The following YTHDF3 variants were observed in gnomAD, a reference collection of about 807,000 sequenced individuals.
The protein encoded by YTHDF3 is YTH domain-containing family protein 3.
Under a neutral mutation model 52.5 loss-of-function variants are expected in YTHDF3, and 9 were observed. That is an observed-to-expected ratio of 0.17 (90% CI 0.10 to 0.30). The LOEUF is 0.30. Ranked by LOEUF, YTHDF3 falls within the 10% of genes least tolerant of loss-of-function variation. The pLI, the probability that YTHDF3 is intolerant of heterozygous loss-of-function variation, is 1.00. For synonymous variants in YTHDF3, 274 were observed against 243.3 expected (o/e 1.13, Z -1.18); for missense variants, 534 against 715.0 (o/e 0.75, Z 2.89).
chr8:63,171,248 CCTGT>C (rs1345878074), intron 2 of YTHDF3, among the ~76,000 whole-genome samples: 2 of 152,122 alleles, frequency 1.3e-5, no homozygotes, highest in African/African-American at 4.8e-5. Flanking sequence ...AAACATTTTA[CCTGT>C]CTGTCAGAAT....
chr8:63,180,971 G>A (rs865810445), intron 3 of YTHDF3, among the ~76,000 whole-genome samples: 1 of 152,198 alleles, frequency 6.6e-6, no homozygotes, highest in Non-Finnish European at 1.5e-5. Context: ...GTGGAAAGAG[G>A]GAGAGGGAGA....
Position 63,187,019 on chromosome 8 carries a change from A to C in YTHDF3, c.1008A>C (p.Pro336=), listed in dbSNP as rs748795550. 1.9e-6 allele frequency: 3 copies of C among 1,613,570 alleles called. No individual in the cohort carries two copies. The highest frequency in any genetic ancestry group is 3.3e-5 in the Admixed American group (2 of 59,940). The change falls in exon 4 of 5, where the codon CCA becomes CCC. Residue 336 remains proline (P), a synonymous_variant. Transcript: ENST00000539294. ...PQPQQQQGPQ[P]QAQPHQVQPQ... is the part of the protein sequence containing the mutation. ...CACAGCAGCAACAAGGACCTCAGCC[A>C]CAGGCCCAGCCTCACCAAGTGCAGC...
intron 3 of YTHDF3, among the ~76,000 whole-genome samples, chr8:63,179,469 C>A (rs1585746679): frequency 1.3e-5 from 2 of 152,168 alleles, no homozygotes; most frequent in East Asian, 3.9e-4. Context: ...GCACATCTTG[C>A]ACCGCTCTTA....
intron 3 of YTHDF3, among the ~76,000 whole-genome samples, chr8:63,182,957 T>TTC (rs1808245722): frequency 6.6e-6 from 1 of 150,424 alleles, no homozygotes; most frequent in African/African-American, 2.4e-5. Flanking sequence ...AGTTTTATCT[T>TTC]TTTTTTTTTT....
intron 4 of YTHDF3, among the ~76,000 whole-genome samples, chr8:63,192,416 A>G (rs1363230564): frequency 6.6e-6 from 1 of 152,200 alleles, no homozygotes; most frequent in Non-Finnish European, 1.5e-5. Context: ...AATTGATTTT[A>G]CCAGTTAAGT....
intron 2 of YTHDF3, among the ~76,000 whole-genome samples, chr8:63,174,461 A>G (rs896699476): frequency 2.8e-4 from 43 of 152,332 alleles, no homozygotes; most frequent in African/African-American, 9.4e-4. Context: ...AACCTTCTGA[A>G]ACAGCGAACA....
chr8:63,179,665 A>C (rs1300613519), intron 3 of YTHDF3, among the ~76,000 whole-genome samples: 4 of 151,264 alleles, frequency 2.6e-5, no homozygotes, highest in Non-Finnish European at 5.9e-5. Context: ...TCTTTTCCCC[A>C]CCCCTCCCCC....
chr8:63,169,775 G>T (rs1807165226), intron 2 of YTHDF3, among the ~76,000 whole-genome samples: 2 of 152,190 alleles, frequency 1.3e-5, no homozygotes. Flanking sequence ...CATTTTGTTT[G>T]ACATGTCTGG....
chr8:63,196,177 T>C (rs1331501837), intron 4 of YTHDF3, among the ~76,000 whole-genome samples: 6 of 151,858 alleles, frequency 4.0e-5, no homozygotes, highest in African/African-American at 1.5e-4. Context: ...GGAGTACTGC[T>C]TGATCCTGGG....
Position 63,211,171 on chromosome 8 carries a change from A to T in YTHDF3, c.*1465A>T, listed in dbSNP as rs553749650. ...GGATATTTCTTTGAGGCTTTCATTT[A>T]TATAATTTTATTTTGTACAATGTTT... On this transcript the variant is annotated 3_prime_UTR_variant, in exon 5 of 5. Coordinates refer to ENST00000539294, the MANE Select transcript of YTHDF3 (RefSeq NM_152758.6). The T allele has an allele frequency of 6.6e-6, 1 of 152,612 alleles. No individual in the cohort carries two copies. Among genetic ancestry groups the T allele is most frequent in the East Asian group, 1.9e-4 (1 of 5,180 alleles). The allele number at this position is 152,612 out of a possible 1,614,324, so 9.5% of individuals were successfully genotyped here. A position where few individuals can be genotyped will look rare whatever the true frequency, so the allele number is the denominator to read the frequency against.
Position 63,187,180 on chromosome 8 carries a change from A to G in YTHDF3, c.1169A>G (p.Glu390Gly). 1 of 1,614,022 alleles carries G rather than the reference A, an allele frequency of 6.2e-7. No homozygotes were observed. The highest frequency in any genetic ancestry group is 1.1e-5 in the South Asian group (1 of 91,080). The change falls in exon 4 of 5, where the codon GAA becomes GGA. Residue 390 changes from glutamate to glycine, a missense_variant. Around this residue, in one of 3 missense-constraint regions of YTHDF3, gnomAD observed 203 missense variants for 201.3 expected, o/e 1.01. Coordinates refer to ENST00000539294, the MANE Select transcript of YTHDF3 (RefSeq NM_152758.6). ...VPVSASPSSV[E>G]VHPVLEKLKA... ...GTCAGTGCTTCACCTTCTAGTGTAG[A>G]AGTGCATCCCGTGCTGGAAAAGCTA...
chr8:63,193,527 A>G (rs139990944), intron 4 of YTHDF3, among the ~76,000 whole-genome samples: 85 of 152,198 alleles, frequency 5.6e-4, no homozygotes, highest in Middle Eastern at 6.8e-3. Flanking sequence ...AGGCTGAGGC[A>G]GAAGGATTGC....
rs1270589467 is a variant in YTHDF3, at chr8:63,212,360, A to G, written c.*2654A>G. On this transcript the variant is annotated 3_prime_UTR_variant, in exon 5 of 5. Transcript: ENST00000539294. ...TTAATTTCTCTTTTTAATTTAAGTG[A>G]TCTTTCTAATTCGAAAGCTGTGTTC... 7 of 152,622 alleles carry G rather than the reference A, an allele frequency of 4.6e-5. No individual in the cohort carries two copies. The highest frequency in any genetic ancestry group is 3.9e-4 in the Admixed American group (6 of 15,270). 9.5% of individuals were successfully genotyped at this position (152,622 alleles called of 1,614,324 possible). A position where few individuals can be genotyped will look rare whatever the true frequency, so the allele number is the denominator to read the frequency against.
At position 63,186,636 on chromosome 8, in the gene YTHDF3, G is replaced by C. The variant is rs750251668; in HGVS notation, c.625G>C (p.Gly209Arg). Residue 209 changes from glycine (G) to arginine (R), a missense_variant, in exon 4 of 5, where the codon GGT becomes CGT. Transcript: ENST00000539294. ...GACAGCTGCAGTGACAAAAACTGTA[G>C]GTACAGCTTTGAGCAGCAGTGGTAT... ...DLTAAVTKTV[G>R]TALSSSGMTS... is the part of the protein sequence containing the mutation. 1 of 1,613,968 alleles carries C rather than the reference G, an allele frequency of 6.2e-7. No homozygotes were observed. Among genetic ancestry groups the C allele is most frequent in the Non-Finnish European group, 8.5e-7 (1 of 1,179,880 alleles).
rs1014951486 is a variant in YTHDF3, at chr8:63,168,665, A to C, written c.-213A>C. On this transcript the variant is annotated 5_prime_UTR_variant, in exon 1 of 5. Coordinates refer to ENST00000539294, the MANE Select transcript of YTHDF3 (RefSeq NM_152758.6). ...GCCATTGTGGACCCGAGAAGCAGAG[A>C]GCGAGAGGGGGAAGAGGAGCGTGCA... The C allele has an allele frequency of 9.4e-6, 8 of 847,054 alleles. No individual in the cohort carries two copies. The African/African-American group carries it at 1.2e-4, about 13-fold the overall frequency. The allele number at this position is 847,054 out of a possible 1,614,324, so 52.5% of individuals were successfully genotyped here.
At chr8:63,196,116 C>T (rs2150387377) in intron 4 of YTHDF3, among the ~76,000 whole-genome samples, 1 of 152,098 alleles carries the variant, frequency 6.6e-6, no homozygotes, top group East Asian at 1.9e-4. Context: ...TAAAAATTAG[C>T]CAAGTGTGGT....
In YTHDF3 at chr8:63,186,856, A is replaced by G. The variant is rs1234964985; in HGVS notation, c.845A>G (p.Lys282Arg). Residue 282 changes from lysine (K) to arginine (R), a missense_variant, in exon 4 of 5, where the codon AAA becomes AGA. By Grantham distance (26) the Lys-to-Arg change is conservative. Around this residue, in one of 3 missense-constraint regions of YTHDF3, gnomAD observed 203 missense variants for 201.3 expected, o/e 1.01. Transcript: ENST00000539294. The part of the protein sequence containing the change: ...HNMNIGTWDE[K>R]GSVVKAPPTQ... ...ATGAATATTGGAACTTGGGATGAAAAAGGGTCAGTGGTAAAGGCTCCACCA... is the reference window on the plus strand; with the variant it reads ...ATGAATATTGGAACTTGGGATGAAAGAGGGTCAGTGGTAAAGGCTCCACCA... 3.7e-6 allele frequency: 6 copies of G among 1,613,874 alleles called. No homozygotes were observed. Among genetic ancestry groups the G allele is most frequent in the Non-Finnish European group, 5.1e-6 (6 of 1,179,914 alleles).
At position 63,169,469 on chromosome 8, in the gene YTHDF3, A is replaced by C; in HGVS notation, c.49+58A>C. 2.0e-6 allele frequency: 3 copies of C among 1,520,050 alleles called. No individual in the cohort carries two copies. The South Asian group carries it at 3.6e-5, about 18-fold the overall frequency. The allele number at this position is 1,520,050 out of a possible 1,614,324, so 94.2% of individuals were successfully genotyped here. On this transcript the variant is annotated intron_variant, in intron 2 of 4. Coordinates refer to ENST00000539294, the MANE Select transcript of YTHDF3 (RefSeq NM_152758.6). ...AATGTTGCCTTAATGTTACTTTTAA[A>C]CTCTGTGAGGGTATTTTGTTTGTTT...
chr8:63,208,713 TA>T (rs1306686388), intron 4 of YTHDF3, among the ~76,000 whole-genome samples: 3 of 152,228 alleles, frequency 2.0e-5, no homozygotes, highest in African/African-American at 7.2e-5. Flanking sequence ...GTGTTACAGA[TA>T]AATACTTGAT....
Sources: allele counts gnomAD v4.1 joint callset (sites outside exome capture counted in the v4.1 genomes callset), GRCh38; gene constraint gnomAD v4.1.1; regional missense constraint gnomAD v4.1.1; transcripts MANE v1.5; gene names NCBI Gene and HGNC (gene_info 2026-07-23, HGNC 2026-07-21).